Variants in SEMA5A observed in about 807,000 individuals in gnomAD.
The protein encoded by SEMA5A is semaphorin 5A.
In SEMA5A, 55 loss-of-function variants were observed where a neutral mutation model predicts 135.5. The observed-to-expected ratio is 0.41, with a 90% confidence interval of 0.33 to 0.51. The LOEUF (loss-of-function observed/expected upper bound fraction) is 0.51, where lower values mean the gene tolerates loss of function less well. Ranked by LOEUF, SEMA5A falls within the 20% of genes least tolerant of loss-of-function variation. The probability of loss-of-function intolerance (pLI) is 0.37; values close to 1 mark genes in which losing one functional copy is unlikely to be tolerated. For synonymous variants in SEMA5A, 580 were observed against 546.5 expected, an observed-to-expected ratio of 1.06 and a Z score of -0.85; for missense variants, 1,290 against 1,419.9, an observed-to-expected ratio of 0.91 and a Z score of 1.47.
chr5:9,070,434 T>G (rs771595290), intron 16 of SEMA5A, among the ~76,000 whole-genome samples: 6 of 152,202 alleles, frequency 3.9e-5, no homozygotes, highest in Non-Finnish European at 8.8e-5. Flanking sequence ...GTGCTGGTCT[T>G]TAGGTCTTAA....
intron 12 of SEMA5A, among the ~76,000 whole-genome samples, chr5:9,149,244 G>T (rs1322625064): frequency 2.0e-5 from 3 of 152,186 alleles, no homozygotes; most frequent in African/African-American, 7.2e-5. Flanking sequence ...TTTCAACAGA[G>T]ACTGGACATC....
chr5:9,538,639 A>G (rs989812815), intron 1 of SEMA5A, among the ~76,000 whole-genome samples: 3 of 152,240 alleles, frequency 2.0e-5, no homozygotes, highest in Non-Finnish European at 4.4e-5. Context: ...TGTACCCAAC[A>G]TTCAGCGGCG....
intron 1 of SEMA5A, among the ~76,000 whole-genome samples, chr5:9,478,107 T>C (rs942107923): frequency 6.6e-6 from 1 of 152,226 alleles, no homozygotes; most frequent in Non-Finnish European, 1.5e-5. Context: ...AGCTTCCTTC[T>C]GCCAAGAAGA....
chr5:9,491,356 A>G (rs1412892878), intron 1 of SEMA5A, among the ~76,000 whole-genome samples: 1 of 152,170 alleles, frequency 6.6e-6, no homozygotes, highest in East Asian at 1.9e-4. Context: ...CATAGAATAT[A>G]CAATACCAAG....
chr5:9,269,119 C>T (rs974682883), intron 5 of SEMA5A, among the ~76,000 whole-genome samples: 4 of 152,032 alleles, frequency 2.6e-5, no homozygotes, highest in African/African-American at 7.2e-5. Flanking sequence ...AGAAAATCCG[C>T]GGGATGGAGA....
chr5:9,432,826 G>A (rs938975871), intron 2 of SEMA5A, among the ~76,000 whole-genome samples: 1 of 152,148 alleles, frequency 6.6e-6, no homozygotes, highest in African/African-American at 2.4e-5. Context: ...CCTTAAGTTA[G>A]CTACAAGAAT....
intron 9 of SEMA5A, among the ~76,000 whole-genome samples, chr5:9,197,515 A>T (rs1361910950): frequency 6.6e-6 from 1 of 152,238 alleles, no homozygotes; most frequent in Non-Finnish European, 1.5e-5. Context: ...GCTAGTTAGC[A>T]TTTAACACCT....
At chr5:9,533,884 C>T (rs1274366462) in intron 1 of SEMA5A, among the ~76,000 whole-genome samples, 1 of 152,130 alleles carries the variant, frequency 6.6e-6, no homozygotes, top group East Asian at 1.9e-4. Flanking sequence ...GTTTTTAAAA[C>T]ATCTGACATA....
chr5:9,243,372 G>A lies in SEMA5A; in HGVS notation c.271-5482C>T, dbSNP rs530321932. Among the ~76,000 whole-genome samples, 16 of 152,156 alleles carry A rather than the reference G, an allele frequency of 1.1e-4. No homozygotes were observed. The East Asian group carries it at 2.5e-3, about 24-fold the overall frequency. On this transcript the variant is annotated intron_variant, in intron 5 of 22. Coordinates refer to ENST00000382496, the MANE Select transcript of SEMA5A (RefSeq NM_003966.3). Reference sequence around the variant, plus strand: ...ATGTTCCTCTTCTTATAAGGACACCGGCCACTGGATTAAGGCCCACTGTAT... The same window carrying A: ...ATGTTCCTCTTCTTATAAGGACACCAGCCACTGGATTAAGGCCCACTGTAT...
At chr5:9,497,547 G>C (rs1231656414) in intron 1 of SEMA5A, among the ~76,000 whole-genome samples, 2 of 152,136 alleles carry the variant, frequency 1.3e-5, no homozygotes, top group Admixed American at 6.5e-5. Flanking sequence ...TCTGGCGCAG[G>C]CACTTGATAA....
chr5:9,479,596 A>G (rs933737150), intron 1 of SEMA5A, among the ~76,000 whole-genome samples: 1 of 152,174 alleles, frequency 6.6e-6, no homozygotes, highest in East Asian at 1.9e-4. Context: ...CCCTGGACTT[A>G]ATACAATCCA....
intron 4 of SEMA5A, among the ~76,000 whole-genome samples, chr5:9,332,994 A>G (rs569463116): frequency 1.3e-5 from 2 of 152,336 alleles, no homozygotes; most frequent in South Asian, 4.1e-4. Flanking sequence ...CTAAAATACC[A>G]CAGTTTGTAA....
chr5:9,337,730 T>C lies in SEMA5A; in HGVS notation c.207A>G (p.Glu69=). ...SQLTFDPGQK[E]LVVGARNYLF... ...TCTCTCACCTTGCTCCTACAACAAG[T>C]TCTTTCTGTCCTGGGTCAAATGTTA... is the stretch of plus-strand genomic sequence containing the variant. Residue 69 remains glutamate, a synonymous_variant, in exon 4 of 23, where the codon GAA becomes GAG. Transcript: ENST00000382496. The C allele has an allele frequency of 6.2e-7, 1 of 1,609,868 alleles. No individual in the cohort carries two copies. The highest frequency in any genetic ancestry group is 2.2e-5 in the East Asian group (1 of 44,688).
At chr5:9,247,976 A>C (rs1333673088) in intron 5 of SEMA5A, among the ~76,000 whole-genome samples, 3 of 152,196 alleles carry the variant, frequency 2.0e-5, no homozygotes, top group African/African-American at 7.2e-5. Flanking sequence ...AACTTAATGA[A>C]TATCTGCTTA....
intron 5 of SEMA5A, among the ~76,000 whole-genome samples, chr5:9,290,900 G>A (rs1471000986): frequency 5.9e-5 from 9 of 152,096 alleles, no homozygotes. Flanking sequence ...GCACTTTACT[G>A]GAACTTGTAA....
At chr5:9,439,933 C>G (rs1326652526) in intron 1 of SEMA5A, among the ~76,000 whole-genome samples, 1 of 152,206 alleles carries the variant, frequency 6.6e-6, no homozygotes, top group Non-Finnish European at 1.5e-5. Context: ...GGTGTCCACC[C>G]GAAAGGGTTG....
intron 1 of SEMA5A, among the ~76,000 whole-genome samples, chr5:9,449,725 G>C (rs1339849423): frequency 6.6e-6 from 1 of 152,124 alleles, no homozygotes; most frequent in Non-Finnish European, 1.5e-5. Flanking sequence ...ATTAACCCGG[G>C]TGGTACCTGG....
chr5:9,311,296 A>G (rs2107480), intron 5 of SEMA5A, among the ~76,000 whole-genome samples: 103,350 of 151,810 alleles, frequency 0.68, 38,190 homozygotes, highest in Non-Finnish European at 0.83. Context: ...AAATTGTCGG[A>G]AGTTGAGAAC....
At chr5:9,089,756 A>T (rs141326098) in intron 16 of SEMA5A, among the ~76,000 whole-genome samples, 5 of 152,286 alleles carry the variant, frequency 3.3e-5, no homozygotes, top group Admixed American at 1.3e-4. Flanking sequence ...ACTAAGTATG[A>T]TAATGTTTGT....
Sources: gnomAD v4.1 joint callset for allele counts (sites outside exome capture counted in the v4.1 genomes callset) on GRCh38, gnomAD v4.1.1 for gene constraint, MANE v1.5 for transcripts, NCBI Gene and HGNC (gene_info 2026-07-23, HGNC 2026-07-21) for gene names.